Variants in PTPRD observed in about 807,000 individuals in gnomAD.
PTPRD encodes the protein receptor-type tyrosine-protein phosphatase delta.
Under a neutral mutation model 214.5 loss-of-function variants are expected in PTPRD, and 34 were observed. The ratio of observed to expected loss-of-function variants is 0.16; its 90% confidence interval spans 0.12 to 0.21. The LOEUF is 0.21. PTPRD is among the 10% of genes least tolerant of loss of function. The pLI is 1.00. For missense variants in PTPRD, 2,545 were observed against 2,398.7 expected, an observed-to-expected ratio of 1.06 and a Z score of -1.27; for synonymous variants, 1,128 against 845.7, an observed-to-expected ratio of 1.33 and a Z score of -5.79.
At chr9:9,557,115 C>G (rs1197316241) in intron 8 of PTPRD, among the ~76,000 whole-genome samples, 1 of 152,146 alleles carries the variant, frequency 6.6e-6, no homozygotes, top group Non-Finnish European at 1.5e-5. Flanking sequence ...GGTTTCATTG[C>G]CATTGTAAAC....
At chr9:9,142,783 A>G (rs1402818439) in intron 10 of PTPRD, among the ~76,000 whole-genome samples, 5 of 152,238 alleles carry the variant, frequency 3.3e-5, no homozygotes, top group East Asian at 3.9e-4. Context: ...CACATACCCC[A>G]TCTGTCCTGT....
chr9:10,453,968 C>A (rs534503634), intron 2 of PTPRD, among the ~76,000 whole-genome samples: 1 of 151,472 alleles, frequency 6.6e-6, no homozygotes, highest in South Asian at 2.1e-4. Context: ...GAGGTTACCC[C>A]AAACAATAGG....
chr9:9,190,691 T>C (rs2099934608), intron 9 of PTPRD, among the ~76,000 whole-genome samples: 1 of 152,122 alleles, frequency 6.6e-6, no homozygotes, highest in South Asian at 2.1e-4. Context: ...GCCAGTAGAT[T>C]TCTGCTCTTT....
chr9:8,720,327 G>A (rs1206508170), intron 12 of PTPRD, among the ~76,000 whole-genome samples: 1 of 152,198 alleles, frequency 6.6e-6, no homozygotes, highest in Non-Finnish European at 1.5e-5. Flanking sequence ...AGTGAAAGTA[G>A]AAGCTTCCAG....
At chr9:10,269,291 G>A (rs1347142242) in intron 3 of PTPRD, among the ~76,000 whole-genome samples, 2 of 152,182 alleles carry the variant, frequency 1.3e-5, no homozygotes, top group Non-Finnish European at 2.9e-5. Flanking sequence ...ACAAGCAAGG[G>A]CTTGTGTATG....
chr9:8,610,351 G>C (rs371835141), intron 14 of PTPRD, among the ~76,000 whole-genome samples: 1 of 152,080 alleles, frequency 6.6e-6, no homozygotes. Flanking sequence ...TCAGTATTCA[G>C]AGGAAAAAAT....
At chr9:8,520,568 C>G (rs1306723316) in intron 20 of PTPRD, among the ~76,000 whole-genome samples, 2 of 151,966 alleles carry the variant, frequency 1.3e-5, no homozygotes, top group African/African-American at 2.4e-5. Context: ...ATGTCTGACT[C>G]AATTTGCAAA....
At chr9:10,438,705 G>A (rs1260310145) in intron 2 of PTPRD, among the ~76,000 whole-genome samples, 1 of 151,610 alleles carries the variant, frequency 6.6e-6, no homozygotes, top group Non-Finnish European at 1.5e-5. Context: ...CAAAGGAACT[G>A]GCATACTGAA....
At chr9:8,762,109 T>G (rs2094449884) in intron 11 of PTPRD, among the ~76,000 whole-genome samples, 1 of 152,212 alleles carries the variant, frequency 6.6e-6, no homozygotes, top group East Asian at 1.9e-4. Context: ...GATGTGTGTG[T>G]GTATATATAT....
At chr9:10,479,660 A>AATATATAAATAAAT (rs763212006) in intron 2 of PTPRD, among the ~76,000 whole-genome samples, 1 of 90,896 alleles carries the variant, frequency 1.1e-5, no homozygotes, top group African/African-American at 3.4e-5. Flanking sequence ...TAAATAAATA[A>AATATATAAATAAAT]ACAAAAATAC....
chr9:10,222,567 C>T (rs1417865504), intron 3 of PTPRD, among the ~76,000 whole-genome samples: 1 of 152,004 alleles, frequency 6.6e-6, no homozygotes, highest in African/African-American at 2.4e-5. Flanking sequence ...TATATTTTTC[C>T]TACTCACTAT....
At chr9:9,819,314 T>C (rs938602835) in intron 5 of PTPRD, among the ~76,000 whole-genome samples, 2 of 152,174 alleles carry the variant, frequency 1.3e-5, no homozygotes, top group Admixed American at 1.3e-4. Context: ...TTTTAAAGGC[T>C]TTTACAGTAT....
chr9:9,499,383 T>A (rs1034113509), intron 8 of PTPRD, among the ~76,000 whole-genome samples: 1 of 152,098 alleles, frequency 6.6e-6, no homozygotes, highest in Non-Finnish European at 1.5e-5. Context: ...CCACTCTGTA[T>A]TTTCTTATAT....
At chr9:9,326,548 C>T (rs573120532) in intron 9 of PTPRD, among the ~76,000 whole-genome samples, 25 of 151,082 alleles carry the variant, frequency 1.7e-4, no homozygotes, top group African/African-American at 5.1e-4. Flanking sequence ...ATATTCGAAC[C>T]CTTGATCTTC....
chr9:9,573,443 G>C (rs1173217373), intron 8 of PTPRD, among the ~76,000 whole-genome samples: 1 of 150,474 alleles, frequency 6.6e-6, no homozygotes, highest in Non-Finnish European at 1.5e-5. Flanking sequence ...TGTCAGTATT[G>C]GTTATATGGG....
chr9:8,949,547 G>A (rs1357831834), intron 11 of PTPRD, among the ~76,000 whole-genome samples: 1 of 152,050 alleles, frequency 6.6e-6, no homozygotes, highest in African/African-American at 2.4e-5. Flanking sequence ...AACTTTTGAA[G>A]TCATGCATCA....
At chr9:9,565,785 A>G (rs181600492) in intron 8 of PTPRD, among the ~76,000 whole-genome samples, 195 of 152,096 alleles carry the variant, frequency 1.3e-3, no homozygotes, top group African/African-American at 4.6e-3. Context: ...ACAGAACATT[A>G]AACTTTGGCC....
At chr9:10,013,136 C>A (rs534495486) in intron 4 of PTPRD, among the ~76,000 whole-genome samples, 3 of 151,834 alleles carry the variant, frequency 2.0e-5, no homozygotes, top group Non-Finnish European at 3.0e-5. Context: ...TGTGAGTATA[C>A]CGAGTATACC....
intron 8 of PTPRD, among the ~76,000 whole-genome samples, chr9:9,520,770 T>G (rs2096952133): frequency 6.6e-6 from 1 of 152,196 alleles, no homozygotes; most frequent in African/African-American, 2.4e-5. Flanking sequence ...AATGTCAGCA[T>G]GGGTTACAGA....
Sources: gnomAD v4.1 joint callset for allele counts (sites outside exome capture counted in the v4.1 genomes callset) on GRCh38, gnomAD v4.1.1 for gene constraint, MANE v1.5 for transcripts, NCBI Gene and HGNC (gene_info 2026-07-23, HGNC 2026-07-21) for gene names.